PDIA3: variants seen among roughly 807,000 people sequenced by gnomAD.
PDIA3 encodes protein disulfide-isomerase A3.
Under a neutral mutation model 56.9 loss-of-function variants are expected in PDIA3, and 16 were observed. That is an observed-to-expected ratio of 0.28 (90% CI 0.19 to 0.43). The LOEUF (loss-of-function observed/expected upper bound fraction) is 0.43, where lower values mean the gene tolerates loss of function less well. Among genes scored for constraint, PDIA3 ranks in the 20% least tolerant of loss-of-function variants. PDIA3 has a pLI of 1.00. For synonymous variants in PDIA3, 192 were observed against 216.5 expected, an observed-to-expected ratio of 0.89 and a Z score of 0.99; for missense variants, 485 against 621.3, an observed-to-expected ratio of 0.78 and a Z score of 2.33.
chr15:43,748,767 T>G (rs12443084), intron 1 of PDIA3, among the ~76,000 whole-genome samples: 119,532 of 150,944 alleles, frequency 0.79, 47,938 homozygotes, highest in East Asian at 1. Context: ...GTGTGTGTGT[T>G]TGTGTATTTT....
chr15:43,754,310 C>G (rs970294689), intron 2 of PDIA3, among the ~76,000 whole-genome samples: 5 of 149,446 alleles, frequency 3.3e-5, no homozygotes, highest in African/African-American at 9.9e-5. Flanking sequence ...AGGAGAATTG[C>G]TTGAACCCAG....
At chr15:43,759,686 G>A (rs184136935) in intron 3 of PDIA3, among the ~76,000 whole-genome samples, 5 of 152,352 alleles carry the variant, frequency 3.3e-5, no homozygotes, top group East Asian at 1.9e-4. Context: ...TATGCATCCA[G>A]TGGAAGATTA....
At chr15:43,771,032 T>A in intron 12 of PDIA3, 73 bp from the exon 13 acceptor site, 1 of 907,698 alleles carries the variant, frequency 1.1e-6, no homozygotes, top group South Asian at 1.5e-5. Context: ...AACTCAGAAG[T>A]CTTCCTGTTT....
chr15:43,756,830 A>G (rs1293052847), intron 3 of PDIA3, 64 bp downstream of exon 3: 3 of 912,894 alleles, frequency 3.3e-6, no homozygotes, highest in Non-Finnish European at 5.3e-6. Flanking sequence ...TAGTGGAAAC[A>G]TAAAAATGTG....
chr15:43,748,659 T>C (rs1201836078), intron 1 of PDIA3, among the ~76,000 whole-genome samples: 1 of 152,200 alleles, frequency 6.6e-6, no homozygotes, highest in East Asian at 1.9e-4. Context: ...TCCTCCACAA[T>C]TTCAGCAAGA....
chr15:43,760,237 A>G (rs1008119938), intron 3 of PDIA3, among the ~76,000 whole-genome samples: 2 of 151,934 alleles, frequency 1.3e-5, no homozygotes, highest in African/African-American at 4.8e-5. Context: ...TAAAAATACA[A>G]AAAACTAGCC....
rs1596023158 is a variant in PDIA3, at chr15:43,762,957, A to G, written c.473-120A>G. 4 of 954,938 alleles carry G rather than the reference A, an allele frequency of 4.2e-6. No homozygotes were observed. In the East Asian group the frequency reaches 1.0e-4, roughly 24 times the overall value. 59.2% of individuals were successfully genotyped at this position (954,938 alleles called of 1,614,324 possible). A position where few individuals can be genotyped will look rare whatever the true frequency, so the allele number is the denominator to read the frequency against. ...CTGTCTGAGGTAGTCATGGCAAAGC[A>G]GACCCAGTCCTCAAAATAGAATGAA... On this transcript the variant is annotated intron_variant, in intron 4 of 12. Transcript: ENST00000300289.
chr15:43,751,722 C>G, intron 1 of PDIA3: 1 of 1,300,942 alleles, frequency 7.7e-7, no homozygotes, highest in Non-Finnish European at 1.0e-6. Context: ...TACACACACA[C>G]CTGGTTGCTC....
intron 1 of PDIA3, among the ~76,000 whole-genome samples, chr15:43,748,373 G>A (rs2141641187): frequency 6.6e-6 from 1 of 152,196 alleles, no homozygotes; most frequent in East Asian, 1.9e-4. Flanking sequence ...AGCTACTCAG[G>A]AAGCTGAGGC....
intron 8 of PDIA3, among the ~76,000 whole-genome samples, chr15:43,767,769 C>CAAAAAA (rs11294471): frequency 4.1e-5 from 3 of 73,466 alleles, no homozygotes; most frequent in African/African-American, 5.3e-5. Context: ...GACTCTGTCT[C>CAAAAAA]AAAAAAAAAA....
intron 4 of PDIA3, 42 bp from the exon 5 acceptor site, chr15:43,763,035 G>A: frequency 2.5e-6 from 4 of 1,596,864 alleles, no homozygotes; most frequent in Non-Finnish European, 3.4e-6. Flanking sequence ...CCATCTGTCA[G>A]CACTTATTGC....
chr15:43,754,683 C>A (rs1287229324), intron 2 of PDIA3, among the ~76,000 whole-genome samples: 2 of 150,716 alleles, frequency 1.3e-5, no homozygotes, highest in Non-Finnish European at 2.9e-5. Context: ...TAGACTCCAG[C>A]CTAGGTGACA....
At chr15:43,751,811 G>C in intron 1 of PDIA3, 1 of 1,243,628 alleles carries the variant, frequency 8.0e-7, no homozygotes, top group South Asian at 1.2e-5. Flanking sequence ...TTTTTGATAA[G>C]CATCTAGAGT....
At chr15:43,756,492 G>T (rs2086779192) in intron 2 of PDIA3, among the ~76,000 whole-genome samples, 157 bp from the exon 3 acceptor site, 1 of 152,210 alleles carries the variant, frequency 6.6e-6, no homozygotes, top group African/African-American at 2.4e-5. Flanking sequence ...AGTTAGGCAA[G>T]CTCCAGTCTG....
chr15:43,748,748 AT>A (rs935150505), intron 1 of PDIA3, among the ~76,000 whole-genome samples: 28 of 147,740 alleles, frequency 1.9e-4, no homozygotes, highest in Admixed American at 1.9e-3. Context: ...ATTCCACTAC[AT>A]TTTTTTTGTG....
intron 1 of PDIA3, 31 bp downstream of exon 1, chr15:43,746,737 A>C: frequency 1.2e-6 from 2 of 1,610,510 alleles, no homozygotes; most frequent in Non-Finnish European, 1.7e-6. Flanking sequence ...CGGGGGAAGA[A>C]AGGCGGGGCT....
In PDIA3 at chr15:43,766,025, A is replaced by G; in HGVS notation, c.845+13A>G. On this transcript the variant is annotated intron_variant, in intron 7 of 12. Coordinates refer to ENST00000300289, the MANE Select transcript of PDIA3 (RefSeq NM_005313.5). ...ACTGGAGAAACAGGTAATAAGAATTATGTTTTTCCCTCATGAACAAGTTTA... is the reference window on the plus strand; with the variant it reads ...ACTGGAGAAACAGGTAATAAGAATTGTGTTTTTCCCTCATGAACAAGTTTA... 4.3e-6 allele frequency: 7 copies of G among 1,611,696 alleles called. No individual in the cohort carries two copies. The highest frequency in any genetic ancestry group is 5.9e-6 in the Non-Finnish European group (7 of 1,178,960).
At chr15:43,763,231 G>T in intron 5 of PDIA3, 25 bp downstream of exon 5, 1 of 1,610,110 alleles carries the variant, frequency 6.2e-7, no homozygotes, top group East Asian at 2.2e-5. Flanking sequence ...TGAATCTCCT[G>T]ACCAAGTATT....
At chr15:43,760,049 C>T (rs990191656) in intron 3 of PDIA3, among the ~76,000 whole-genome samples, 2 of 152,072 alleles carry the variant, frequency 1.3e-5, no homozygotes, top group East Asian at 1.9e-4. Flanking sequence ...ATGTTGCAAT[C>T]GCGCCATTGC....
Sources: allele counts gnomAD v4.1 joint callset (sites outside exome capture counted in the v4.1 genomes callset), GRCh38; gene constraint gnomAD v4.1.1; transcripts MANE v1.5; gene names NCBI Gene and HGNC (gene_info 2026-07-23, HGNC 2026-07-21).